RGS12: variants seen among roughly 807,000 people sequenced by gnomAD.
RGS12 encodes the protein regulator of G protein signaling 12.
A neutral mutation model predicts 120.1 loss-of-function variants in RGS12; 66 were observed. The observed-to-expected ratio is 0.55, with a 90% confidence interval of 0.45 to 0.67. The LOEUF is 0.67. Among genes scored for constraint, RGS12 ranks in the 30% least tolerant of loss-of-function variants. The pLI, the probability that RGS12 is intolerant of heterozygous loss-of-function variation, is 0.00. For synonymous variants in RGS12, 827 were observed against 804.7 expected (o/e 1.03, Z -0.47); for missense variants, 1,859 against 1,957.7 (o/e 0.95, Z 0.95).
intron 6 of RGS12, among the ~76,000 whole-genome samples, chr4:3,415,718 A>G (rs1167550790): frequency 6.6e-6 from 1 of 152,210 alleles, no homozygotes; most frequent in African/African-American, 2.4e-5. Flanking sequence ...ACACGGCAGT[A>G]TTGCCCCTGC....
rs950746930 is a variant in RGS12, at chr4:3,370,434, T to G, written c.1999-15982T>G. 5.8e-6 allele frequency: 6 copies of G among 1,038,554 alleles called. No individual in the cohort carries two copies. In the African/African-American group the frequency reaches 9.5e-5, roughly 16 times the overall value. 64.3% of individuals were successfully genotyped at this position (1,038,554 alleles called of 1,614,324 possible). On this transcript the variant is annotated intron_variant, in intron 3 of 17. Coordinates refer to ENST00000336727, the MANE Select transcript of RGS12 (RefSeq NM_001394154.1). ...TGGGACCTGCAAATGCTTGTAAGGA[T>G]AAGCTTTGGAAATGGTTTTCATGTG...
intron 2 of RGS12, among the ~76,000 whole-genome samples, chr4:3,329,005 AG>A (rs1477139854): frequency 6.6e-6 from 1 of 152,160 alleles, no homozygotes; most frequent in Non-Finnish European, 1.5e-5. Context: ...TTTAACTCCA[AG>A]GGGAAGTTGT....
intron 2 of RGS12, among the ~76,000 whole-genome samples, chr4:3,331,673 G>A (rs368740575): frequency 1.3e-4 from 20 of 152,296 alleles, no homozygotes; most frequent in African/African-American, 4.8e-4. Context: ...CATGATGTAA[G>A]TCTCTCTGGG....
At chr4:3,432,628 C>T (rs991353004) in intron 17 of RGS12, among the ~76,000 whole-genome samples, 1 of 152,228 alleles carries the variant, frequency 6.6e-6, no homozygotes, top group Non-Finnish European at 1.5e-5. Context: ...GCTGAGCGCC[C>T]CGGCTGACAT....
Position 3,372,653 on chromosome 4 carries a change from CCTTT to C in RGS12, c.1999-13757_1999-13754del, listed in dbSNP as rs758320701. On this transcript the variant is annotated intron_variant, in intron 3 of 17. Coordinates refer to ENST00000336727, the MANE Select transcript of RGS12 (RefSeq NM_001394154.1). The surrounding 1 kb of genome is among the most constrained non-coding windows in gnomAD (Gnocchi z 4.3). ...GTGGTTTTGTGACGTCTCAGGGTGTCCTTTCTTTCCTTCATGAGAAGAAGTTCTG... is the reference window on the plus strand; with the variant it reads ...GTGGTTTTGTGACGTCTCAGGGTGTCCTTTCCTTCATGAGAAGAAGTTCTG... 3.3e-5 allele frequency among the ~76,000 whole-genome samples: 5 copies of C among 152,206 alleles called. No homozygotes were observed. The highest frequency in any genetic ancestry group is 7.3e-5 in the Non-Finnish European group (5 of 68,042).
At chr4:3,351,719 C>T (rs973751177) in intron 3 of RGS12, among the ~76,000 whole-genome samples, 7 of 152,114 alleles carry the variant, frequency 4.6e-5, no homozygotes, top group African/African-American at 1.4e-4. Flanking sequence ...TCCAGTGCTG[C>T]GTTTTTCCTG....
intron 3 of RGS12, among the ~76,000 whole-genome samples, chr4:3,362,880 TGA>T (rs1491015870): frequency 7.5e-5 from 11 of 146,904 alleles, no homozygotes; most frequent in East Asian, 2.1e-4. Flanking sequence ...TGTGTGTGTG[TGA>T]GAGCATGTGT....
chr4:3,414,056 T>C lies in RGS12; in HGVS notation c.2021-16T>C. The C allele has an allele frequency of 6.5e-7, 1 of 1,537,692 alleles. No homozygotes were observed. Among genetic ancestry groups the C allele is most frequent in the Non-Finnish European group, 8.7e-7 (1 of 1,143,748 alleles). On this transcript the variant is annotated splice_polypyrimidine_tract_variant and intron_variant, in intron 4 of 17. Coordinates refer to ENST00000336727, the MANE Select transcript of RGS12 (RefSeq NM_001394154.1). ...GGAGGGCAGGGGTGCAGGTGCTGTCTGTGCTGGTCCCGCAGAGTTGACGGG... is the reference window on the plus strand; with the variant it reads ...GGAGGGCAGGGGTGCAGGTGCTGTCCGTGCTGGTCCCGCAGAGTTGACGGG...
chr4:3,329,675 T>A (rs973476337), intron 2 of RGS12, among the ~76,000 whole-genome samples: 1 of 152,144 alleles, frequency 6.6e-6, no homozygotes, highest in Non-Finnish European at 1.5e-5. Flanking sequence ...AAAAGTTAAT[T>A]TGACTGTTTA....
At chr4:3,423,359 G>C (rs538981338) in intron 12 of RGS12, among the ~76,000 whole-genome samples, 156 bp from the exon 13 acceptor site, 2 of 152,216 alleles carry the variant, frequency 1.3e-5, no homozygotes, top group Non-Finnish European at 2.9e-5. Flanking sequence ...CTTTTCCCAC[G>C]TGGAGGAAGG....
chr4:3,424,332 C>G (rs1023213858), intron 13 of RGS12, among the ~76,000 whole-genome samples: 1 of 152,224 alleles, frequency 6.6e-6, no homozygotes, highest in Non-Finnish European at 1.5e-5. Context: ...AAACTACACT[C>G]AAAATTATTC....
chr4:3,362,017 CCCT>C (rs1420966425), intron 3 of RGS12, among the ~76,000 whole-genome samples: 2 of 152,176 alleles, frequency 1.3e-5, no homozygotes, highest in Non-Finnish European at 2.9e-5. Flanking sequence ...GTAGCGCTCC[CCCT>C]CGTCACCCTC....
In RGS12 at chr4:3,397,376, C is replaced by G. The variant is rs537287484; in HGVS notation, c.2020+10939C>G. 7.2e-5 allele frequency among the ~76,000 whole-genome samples: 11 copies of G among 152,324 alleles called. No homozygotes were observed. The East Asian group carries it at 2.1e-3, about 29-fold the overall frequency. ...TCAGGATGGCCGAGCAGAGCTGAGA[C>G]CTGACAGATGGGTGAGGATTAACCC... is the stretch of plus-strand genomic sequence containing the variant. On this transcript the variant is annotated intron_variant, in intron 4 of 17. Coordinates refer to ENST00000336727, the MANE Select transcript of RGS12 (RefSeq NM_001394154.1).
chr4:3,431,060 G>T lies in RGS12; in HGVS notation c.4114+105G>T, dbSNP rs370114147. The T allele has an allele frequency of 1.9e-4, 287 of 1,491,022 alleles. 2 individuals carry two copies. In the East Asian group the frequency reaches 5.9e-3, roughly 31 times the overall value. 92.4% of individuals were successfully genotyped at this position (1,491,022 alleles called of 1,614,324 possible). A position where few individuals can be genotyped will look rare whatever the true frequency, so the allele number is the denominator to read the frequency against. On this transcript the variant is annotated intron_variant, in intron 17 of 17. Coordinates refer to ENST00000336727, the MANE Select transcript of RGS12 (RefSeq NM_001394154.1). Reference sequence around the variant, plus strand: ...CCCCGGCTGCCACTGTTTGCTGGTGGTCTCCGTGACCCCCTCCTCACCTGC... The same window carrying T: ...CCCCGGCTGCCACTGTTTGCTGGTGTTCTCCGTGACCCCCTCCTCACCTGC...
chr4:3,420,973 G>A (rs1485863006), intron 10 of RGS12, among the ~76,000 whole-genome samples: 1 of 152,260 alleles, frequency 6.6e-6, no homozygotes, highest in African/African-American at 2.4e-5. Context: ...GTTATACGAG[G>A]GAGGGAACTC....
chr4:3,370,649 A>G (rs930860481), intron 3 of RGS12, among the ~76,000 whole-genome samples: 2 of 152,254 alleles, frequency 1.3e-5, no homozygotes, highest in Non-Finnish European at 2.9e-5. Flanking sequence ...CATAGATTTG[A>G]AAGATGTGAG....
intron 1 of RGS12, among the ~76,000 whole-genome samples, chr4:3,315,354 CT>C (rs1395362499): frequency 1.3e-5 from 2 of 152,212 alleles, no homozygotes; most frequent in African/African-American, 4.8e-5. Flanking sequence ...ACAACCAATA[CT>C]TTTATACCCC....
chr4:3,436,927 G>A (rs909753917), intron 17 of RGS12, among the ~76,000 whole-genome samples: 4 of 152,350 alleles, frequency 2.6e-5, no homozygotes, highest in East Asian at 1.9e-4. Flanking sequence ...TGGCCCAAGC[G>A]GCAGGGAACA....
chr4:3,434,879 G>GGGCTGGA lies in RGS12; in HGVS notation c.4114+3928_4114+3934dup, dbSNP rs550645447. Among the ~76,000 whole-genome samples, 112 of 152,344 alleles carry GGGCTGGA rather than the reference G, an allele frequency of 7.4e-4. 1 individual carries two copies. Among genetic ancestry groups the GGGCTGGA allele is most frequent in the African/African-American group, 2.6e-3 (108 of 41,582 alleles). ...GGCGACAGTCAGGGGTCCTGGCTGG[G>GGGCTGGA]GGCTGGAGGCCAGTGGCTCCTCCCA... On this transcript the variant is annotated intron_variant, in intron 17 of 17. Transcript: ENST00000336727.
Sources: gnomAD v4.1 joint callset for allele counts (sites outside exome capture counted in the v4.1 genomes callset) on GRCh38, gnomAD v4.1.1 for gene constraint, Gnocchi (gnomAD v3.1) non-coding constraint, MANE v1.5 for transcripts, NCBI Gene and HGNC (gene_info 2026-07-23, HGNC 2026-07-21) for gene names.